TNFAIP3: variants seen among roughly 807,000 people sequenced by gnomAD.
TNFAIP3 encodes the protein TNF alpha induced protein 3, also known as tumor necrosis factor alpha-induced protein 3.
A neutral mutation model predicts 72.4 loss-of-function variants in TNFAIP3; 9 were observed. The ratio of observed to expected loss-of-function variants is 0.12; its 90% CI spans 0.07 to 0.22. The LOEUF (loss-of-function observed/expected upper bound fraction) is 0.22, where lower values mean the gene tolerates loss of function less well. Ranked by LOEUF, TNFAIP3 falls within the 10% of genes least tolerant of loss-of-function variation. The pLI is 1.00. For missense variants in TNFAIP3, 833 were observed against 1,018.7 expected, an observed-to-expected ratio of 0.82 and a Z score of 2.48; for synonymous variants, 339 against 372.6, an observed-to-expected ratio of 0.91 and a Z score of 1.04.
rs749076821 is a variant in TNFAIP3, at chr6:137,878,723, C to T, written c.1278C>T (p.Gly426=). The T allele has an allele frequency of 1.2e-6, 2 of 1,614,090 alleles. No homozygotes were observed. Among genetic ancestry groups the T allele is most frequent in the South Asian group, 2.2e-5 (2 of 91,086 alleles). ...TCCCAAAGCTGAACTCCAAGCCGGG[C>T]CCTGAGGGGCTCCCTGGCATGGCGC... is the stretch of plus-strand genomic sequence containing the variant. The part of the protein sequence containing the change: ...NKLPKLNSKP[G]PEGLPGMALG... The change falls in exon 7 of 9, where the codon GGC becomes GGT. Residue 426 remains glycine (G), a synonymous_variant. Transcript: ENST00000612899.
In TNFAIP3 at chr6:137,881,189, A is replaced by G. The variant is rs1483594433; in HGVS notation, c.2243A>G (p.His748Arg). 1.9e-6 allele frequency: 3 copies of G among 1,613,560 alleles called. No individual in the cohort carries two copies. Among genetic ancestry groups the G allele is most frequent in the Non-Finnish European group, 2.5e-6 (3 of 1,179,888 alleles). The change falls in exon 9 of 9, where the codon CAC (histidine) becomes CGC (arginine). Residue 748 changes from histidine (H) to arginine (R), a missense_variant. Coordinates refer to ENST00000612899, the MANE Select transcript of TNFAIP3 (RefSeq NM_001270508.2). This position sits in a 1 kb window ranked among gnomAD's most constrained non-coding sequence, Gnocchi z 5.0. ...HPNQRMGPGA[H>R]RGEPAPEDPP... ...AACCAGAGGATGGGCCCTGGGGCCC[A>G]CCGGGGTGAGCCTGCCCCCGAAGAC...
At position 137,871,260 on chromosome 6, in the gene TNFAIP3, T is replaced by C. The variant is rs1776049197; in HGVS notation, c.33T>C (p.Tyr11=). MAEQVLPQAL[Y]LSNMRKAVKI... ...AACAAGTCCTTCCTCAGGCTTTGTA[T>C]TTGAGCAATATGCGGAAAGCTGTGA... is the stretch of plus-strand genomic sequence containing the variant. Residue 11 remains tyrosine, a synonymous_variant, in exon 2 of 9, where the codon TAT becomes TAC. Transcript: ENST00000612899. The surrounding 1 kb of genome is among the most constrained non-coding windows in gnomAD (Gnocchi z 4.2). The C allele has an allele frequency of 6.2e-7, 1 of 1,613,932 alleles. No individual in the cohort carries two copies. Among genetic ancestry groups the C allele is most frequent in the Admixed American group, 1.7e-5 (1 of 59,996 alleles).
chr6:137,871,435 G>A lies in TNFAIP3; in HGVS notation c.208G>A (p.Asp70Asn), dbSNP rs375335818. ...FREIIHKALI[D>N]RNIQATLESQ... ...GGAGATCATCCACAAAGCCCTCATCGACAGAAACATCCAGGCCACCCTGGA... is the reference window on the plus strand; with the variant it reads ...GGAGATCATCCACAAAGCCCTCATCAACAGAAACATCCAGGCCACCCTGGA... The change falls in exon 2 of 9, where the codon GAC (aspartate) becomes AAC (asparagine). Residue 70 changes from aspartate (D) to asparagine (N), a missense_variant. Physicochemically the swap from Asp to Asn is conservative, Grantham distance 23. Around this residue, in one of 2 missense-constraint regions of TNFAIP3, gnomAD observed 246 missense variants for 360.9 expected, o/e 0.68. Coordinates refer to ENST00000612899, the MANE Select transcript of TNFAIP3 (RefSeq NM_001270508.2). The surrounding 1 kb of genome is among the most constrained non-coding windows in gnomAD (Gnocchi z 4.2). 5.0e-6 allele frequency: 8 copies of A among 1,614,000 alleles called. No homozygotes were observed. The highest frequency in any genetic ancestry group is 4.5e-5 in the East Asian group (2 of 44,900).
In TNFAIP3 at chr6:137,873,754, T is replaced by C. The variant is rs182013278; in HGVS notation, c.296-1091T>C. Among the ~76,000 whole-genome samples the C allele has an allele frequency of 1.4e-4, 22 of 152,334 alleles. 1 individual carries two copies. The highest frequency in any genetic ancestry group is 1.2e-3 in the Admixed American group (19 of 15,308). On this transcript the variant is annotated intron_variant, in intron 2 of 8. Coordinates refer to ENST00000612899, the MANE Select transcript of TNFAIP3 (RefSeq NM_001270508.2). ...GATCTTTTTTGTTCATTTGTTTGAA[T>C]ACTTAGCTAGTTTTTCTAAATGTAT...
rs1036341624 is a variant in TNFAIP3, at chr6:137,873,228, TA to T, written c.296-1608del. On this transcript the variant is annotated intron_variant, in intron 2 of 8. Coordinates refer to ENST00000612899, the MANE Select transcript of TNFAIP3 (RefSeq NM_001270508.2). ...TTCTTTGATTTTAATTAGCACCTTT[TA>T]AAAAAAAATTAATCCTTCCCCTGAT... Among the ~76,000 whole-genome samples, 17 of 151,876 alleles carry T rather than the reference TA, an allele frequency of 1.1e-4. 1 individual carries two copies. The South Asian group carries it at 1.5e-3, about 13-fold the overall frequency.
At chr6:137,877,827 A>C (rs565647406) in intron 6 of TNFAIP3, among the ~76,000 whole-genome samples, 23 of 152,356 alleles carry the variant, frequency 1.5e-4, no homozygotes, top group South Asian at 4.1e-4. Flanking sequence ...TGAAACGCAC[A>C]ACAGATGACA....
At chr6:137,875,906 C>A in intron 4 of TNFAIP3, 71 bp downstream of exon 4, 1 of 1,603,068 alleles carries the variant, frequency 6.2e-7, no homozygotes, top group South Asian at 1.1e-5. Flanking sequence ...CTGGAGAAAA[C>A]CACACTGCCA....
At chr6:137,873,141 C>T (rs1776116950) in intron 2 of TNFAIP3, among the ~76,000 whole-genome samples, 2 of 152,024 alleles carry the variant, frequency 1.3e-5, no homozygotes, top group African/African-American at 4.8e-5. Flanking sequence ...TTCAAGAAAA[C>T]TCCTTAAGAT....
In TNFAIP3 at chr6:137,881,542, G is replaced by C. The variant is rs956562699; in HGVS notation, c.*223G>C. The C allele has an allele frequency of 8.9e-6, 4 of 451,508 alleles. No individual in the cohort carries two copies. The highest frequency in any genetic ancestry group is 8.0e-5 in the African/African-American group (4 of 49,784). The allele number at this position is 451,508 out of a possible 1,614,324, so 28.0% of individuals were successfully genotyped here. A position where few individuals can be genotyped will look rare whatever the true frequency, so the allele number is the denominator to read the frequency against. On this transcript the variant is annotated 3_prime_UTR_variant, in exon 9 of 9. Transcript: ENST00000612899. This position sits in a 1 kb window ranked among gnomAD's most constrained non-coding sequence, Gnocchi z 5.0. ...AAAGCAAAGCTTGTAACTGGCAAGG[G>C]ATGATGTCAGATTCAGCCCAAGGTT...
rs71547072 is a variant in TNFAIP3, at chr6:137,871,753, GC to G, written c.295+232del. On this transcript the variant is annotated intron_variant, in intron 2 of 8. Coordinates refer to ENST00000612899, the MANE Select transcript of TNFAIP3 (RefSeq NM_001270508.2). This position sits in a 1 kb window ranked among gnomAD's most constrained non-coding sequence, Gnocchi z 4.2. ...TGTGTATATTGCAGAGCACATTGAG[GC>G]TTGGAGAATGCATTTGTAAACACCA... 1.9e-4 allele frequency among the ~76,000 whole-genome samples: 29 copies of G among 152,264 alleles called. No individual in the cohort carries two copies. The highest frequency in any genetic ancestry group is 4.0e-4 in the Non-Finnish European group (27 of 68,014).
At position 137,878,983 on chromosome 6, in the gene TNFAIP3, C is replaced by T. The variant is rs1270192570; in HGVS notation, c.1538C>T (p.Thr513Ile). Residue 513 changes from threonine (T) to isoleucine (I), a missense_variant, in exon 7 of 9, where the codon ACA becomes ATA. By Grantham distance (89) the Thr-to-Ile change is moderately conservative. Transcript: ENST00000612899. ...CACGCCAGCCACGCCCCAGACCACA[C>T]AAGGCACTTGGATCCCGGGAAGTGC... is the stretch of plus-strand genomic sequence containing the variant. ...QLHASHAPDH[T>I]RHLDPGKCQA... The T allele has an allele frequency of 6.2e-7, 1 of 1,614,246 alleles. No homozygotes were observed. The highest frequency in any genetic ancestry group is 8.5e-7 in the Non-Finnish European group (1 of 1,180,036).
In TNFAIP3 at chr6:137,877,282, C is replaced by T. The variant is rs1776283109; in HGVS notation, c.986+26C>T. ...GTAAGCAGTTTATGTTCAGCTCTCT[C>T]CTGTGTCATCTGTAACTGTCTTTAA... On this transcript the variant is annotated intron_variant, in intron 6 of 8. Coordinates refer to ENST00000612899, the MANE Select transcript of TNFAIP3 (RefSeq NM_001270508.2). 1.9e-6 allele frequency: 3 copies of T among 1,576,302 alleles called. No homozygotes were observed. In the Admixed American group the frequency reaches 5.5e-5, roughly 29 times the overall value.
chr6:137,875,087 G>T (rs1562269921), intron 3 of TNFAIP3, 52 bp downstream of exon 3: 2 of 1,602,796 alleles, frequency 1.2e-6, no homozygotes, highest in East Asian at 2.2e-5. Flanking sequence ...GTGGGCATAG[G>T]GTACCCCTGG....
chr6:137,876,215 A>C (rs753537630), intron 5 of TNFAIP3, 49 bp downstream of exon 5: 1 of 1,501,550 alleles, frequency 6.7e-7, no homozygotes, highest in Non-Finnish European at 9.1e-7. Flanking sequence ...CTGAAACATC[A>C]GGGTTTTCCT....
Position 137,878,722 on chromosome 6 carries a change from G to A in TNFAIP3, c.1277G>A (p.Gly426Asp), listed in dbSNP as rs921505456. The A allele has an allele frequency of 2.5e-6, 4 of 1,613,936 alleles. No individual in the cohort carries two copies. The African/African-American group carries it at 4.0e-5, about 16-fold the overall frequency. ...NKLPKLNSKPGPEGLPGMALG... is the reference protein window; with the variant it reads ...NKLPKLNSKPDPEGLPGMALG... ...CTCCCAAAGCTGAACTCCAAGCCGG[G>A]CCCTGAGGGGCTCCCTGGCATGGCG... is the stretch of plus-strand genomic sequence containing the variant. The change falls in exon 7 of 9, where the codon GGC becomes GAC. Residue 426 changes from glycine (G) to aspartate (D), a missense_variant. By Grantham distance (94) the Gly-to-Asp change is moderately conservative (BLOSUM62 -1). Coordinates refer to ENST00000612899, the MANE Select transcript of TNFAIP3 (RefSeq NM_001270508.2).
intron 3 of TNFAIP3, 141 bp downstream of exon 3, chr6:137,875,176 C>G: frequency 1.1e-6 from 1 of 951,890 alleles, no homozygotes; most frequent in East Asian, 2.6e-5. Flanking sequence ...CAATGGAAAA[C>G]ACCAGAAACC....
rs1434101056 is a variant in TNFAIP3 at position 137,883,101 on chromosome 6, T to G, written c.*1782T>G. 2.4e-5 allele frequency: 5 copies of G among 209,628 alleles called. No homozygotes were observed. Among genetic ancestry groups the G allele is most frequent in the African/African-American group, 1.1e-4 (5 of 44,048 alleles). 13.0% of individuals were successfully genotyped at this position (209,628 alleles called of 1,614,324 possible). ...TGTTTTCATCTAATTCTCTTAAAGT[T>G]GATATCTTAATATTTTGTGTTGATC... On this transcript the variant is annotated 3_prime_UTR_variant, in exon 9 of 9. Transcript: ENST00000612899.
In TNFAIP3 at chr6:137,881,364, C is replaced by A. The variant is rs1395986726; in HGVS notation, c.*45C>A. On this transcript the variant is annotated 3_prime_UTR_variant, in exon 9 of 9. Coordinates refer to ENST00000612899, the MANE Select transcript of TNFAIP3 (RefSeq NM_001270508.2). This position sits in a 1 kb window ranked among gnomAD's most constrained non-coding sequence, Gnocchi z 5.0. ...CTCCTGCAAGAAGTGGGGCCTCGAG[C>A]TGTCAGTCATCATGGTGCTATCCTC... 11 of 1,503,334 alleles carry A rather than the reference C, an allele frequency of 7.3e-6. No homozygotes were observed. Among genetic ancestry groups the A allele is most frequent in the Middle Eastern group, 1.9e-4 (1 of 5,400 alleles). 93.1% of individuals were successfully genotyped at this position (1,503,334 alleles called of 1,614,324 possible). A position where few individuals can be genotyped will look rare whatever the true frequency, so the allele number is the denominator to read the frequency against.
intron 3 of TNFAIP3, 23 bp downstream of exon 3, chr6:137,875,058 C>G (rs745652414): frequency 2.5e-6 from 4 of 1,613,280 alleles, no homozygotes; most frequent in Non-Finnish European, 3.4e-6. Context: ...CCCTAATTAT[C>G]TACTAACAGA....
Sources: gnomAD v4.1 joint callset for allele counts (sites outside exome capture counted in the v4.1 genomes callset) on GRCh38, gnomAD v4.1.1 for gene constraint, gnomAD v4.1.1 regional missense constraint, Gnocchi (gnomAD v3.1) non-coding constraint, MANE v1.5 for transcripts, NCBI Gene and HGNC (gene_info 2026-07-23, HGNC 2026-07-21) for gene names.